Variants in CDYL observed in about 807,000 individuals in gnomAD.
CDYL encodes chromodomain Y-like protein.
A neutral mutation model predicts 47.3 loss-of-function variants in CDYL; 8 were observed. The observed-to-expected ratio is 0.17, with a 90% confidence interval of 0.10 to 0.31. The LOEUF (loss-of-function observed/expected upper bound fraction) is 0.31. CDYL is among the 10% of genes least tolerant of loss of function. The pLI, the probability that CDYL is intolerant of heterozygous loss-of-function variation, is 1.00. For synonymous variants in CDYL, 266 were observed against 265.0 expected (o/e 1.00, Z -0.04); for missense variants, 471 against 701.4 (o/e 0.67, Z 3.71).
intron 2 of CDYL, among the ~76,000 whole-genome samples, chr6:4,933,083 A>G (rs896494869): frequency 1.3e-5 from 2 of 152,160 alleles, no homozygotes; most frequent in East Asian, 1.9e-4. Context: ...TGAGGAAACC[A>G]GTTATTATTG....
intron 1 of CDYL, among the ~76,000 whole-genome samples, chr6:4,859,458 G>C (rs967251640): frequency 6.6e-5 from 10 of 152,178 alleles, no homozygotes; most frequent in African/African-American, 2.4e-4. Context: ...TCCCTGCCAC[G>C]GTCCCCTGGC....
chr6:4,753,490 C>T (rs1313223647), intron 3 of CDYL, among the ~76,000 whole-genome samples: 2 of 152,248 alleles, frequency 1.3e-5, no homozygotes, highest in South Asian at 2.1e-4. Flanking sequence ...TGTGAAGAAT[C>T]GCCTGAAGGT....
At chr6:4,923,731 C>T (rs1047940461) in intron 2 of CDYL, among the ~76,000 whole-genome samples, 5 of 152,026 alleles carry the variant, frequency 3.3e-5, no homozygotes, top group African/African-American at 1.2e-4. Flanking sequence ...CCCGTCTCTA[C>T]TAAAAAATAT....
chr6:4,810,889 A>G (rs1759509216), intron 1 of CDYL, among the ~76,000 whole-genome samples: 2 of 152,224 alleles, frequency 1.3e-5, no homozygotes, highest in African/African-American at 4.8e-5. Flanking sequence ...TAGTACCATC[A>G]TACTAGGGAT....
At position 4,894,939 on chromosome 6, in the gene CDYL, A is replaced by ATG. The variant is rs1356965752; in HGVS notation, c.691+2564_691+2565dup. 2.5e-3 allele frequency among the ~76,000 whole-genome samples: 43 copies of ATG among 17,006 alleles called. 1 individual carries two copies. In the East Asian group the frequency reaches 0.13, roughly 50 times the overall value. 11.2% of individuals were successfully genotyped at this position (17,006 alleles called of 152,430 possible). The stretch of plus-strand genomic sequence containing the variant: ...TATATACACATATGTATGTGTGTAT[A>ATG]TGTGTATGCATGTGTATATATACGT... On this transcript the variant is annotated intron_variant, in intron 2 of 6. Transcript: ENST00000397588.
chr6:4,947,799 G>T (rs866653856), intron 5 of CDYL, among the ~76,000 whole-genome samples: 21 of 152,274 alleles, frequency 1.4e-4, no homozygotes, highest in Admixed American at 2.0e-4. Flanking sequence ...GACTGACAGG[G>T]AGCTCTGGAA....
chr6:4,715,843 A>G, exon 2 of CDYL: 1 of 1,614,206 alleles, frequency 6.2e-7, no homozygotes, highest in Non-Finnish European at 8.5e-7. Flanking sequence ...TGGCAATACG[A>G]GGGCCCAACC....
intron 3 of CDYL, among the ~76,000 whole-genome samples, chr6:4,750,887 C>T (rs1397570382): frequency 6.8e-6 from 1 of 146,206 alleles, no homozygotes; most frequent in Admixed American, 6.9e-5. Context: ...GAGTCTTGCT[C>T]TGTCACCTAG....
chr6:4,937,654 T>C lies in CDYL; in HGVS notation c.1038T>C (p.Cys346=). The C allele has an allele frequency of 6.2e-7, 1 of 1,613,892 alleles. No individual in the cohort carries two copies. Among genetic ancestry groups the C allele is most frequent in the African/African-American group, 1.3e-5 (1 of 75,046 alleles). Residue 346 remains cysteine (C), a synonymous_variant, in exon 4 of 7, where the codon TGT becomes TGC. Transcript: ENST00000397588. ...TCAGCGCCGTTGGCAGCGTCTTCTG[T>C]TGTGGACTTGACTTTATTTATTTTA... ...VLLSAVGSVF[C]CGLDFIYFIR... is the part of the protein sequence containing the mutation.
Position 4,891,844 on chromosome 6 carries a change from C to T in CDYL, c.156C>T (p.Ile52=). Residue 52 remains isoleucine (I), a synonymous_variant, in exon 2 of 7, where the codon ATC becomes ATT. Coordinates refer to ENST00000397588, the MANE Select transcript of CDYL (RefSeq NM_004824.4). Reference sequence around the variant, plus strand: ...ACCTCGTGAACTGTGAGGAATACATCCACGACTTCAACAGACGCCACACGG... The same window carrying T: ...ACCTCGTGAACTGTGAGGAATACATTCACGACTTCAACAGACGCCACACGG... ...EQHLVNCEEY[I]HDFNRRHTEK... 3 of 1,614,134 alleles carry T rather than the reference C, an allele frequency of 1.9e-6. No homozygotes were observed. Among genetic ancestry groups the T allele is most frequent in the Non-Finnish European group, 2.5e-6 (3 of 1,180,028 alleles).
At chr6:4,764,865 A>G (rs1438445754) in intron 3 of CDYL, among the ~76,000 whole-genome samples, 7 of 105,304 alleles carry the variant, frequency 6.6e-5, no homozygotes, top group African/African-American at 2.2e-4. Flanking sequence ...ACACACACAT[A>G]TATATAATAG....
At chr6:4,908,657 T>C (rs895676637) in intron 2 of CDYL, among the ~76,000 whole-genome samples, 1 of 152,214 alleles carries the variant, frequency 6.6e-6, no homozygotes, top group Non-Finnish European at 1.5e-5. Context: ...ACGTCACCTC[T>C]GAGCTTACGT....
chr6:4,865,621 G>A (rs934031792), intron 1 of CDYL, among the ~76,000 whole-genome samples: 3 of 152,140 alleles, frequency 2.0e-5, no homozygotes, highest in East Asian at 1.9e-4. Flanking sequence ...TTTGTAATCC[G>A]AATAGGTAAA....
At chr6:4,901,397 C>T (rs1380383349) in intron 2 of CDYL, among the ~76,000 whole-genome samples, 1 of 152,158 alleles carries the variant, frequency 6.6e-6, no homozygotes, top group Non-Finnish European at 1.5e-5. Context: ...AATATTCCTC[C>T]AGTGGCATGC....
At chr6:4,706,273 T>C (rs566560577) in intron 1 of CDYL, 1 of 151,904 alleles carries the variant, frequency 6.6e-6, no homozygotes, top group Non-Finnish European at 1.5e-5. Context: ...AAGGAGGAAA[T>C]GGGAGGGGAG....
At chr6:4,715,795 G>A in exon 2 of CDYL, 4 of 1,614,164 alleles carry the variant, frequency 2.5e-6, no homozygotes, top group South Asian at 2.2e-5. Context: ...TTTCAGGCAA[G>A]CCACAGGTCA....
intron 1 of CDYL, among the ~76,000 whole-genome samples, chr6:4,800,648 C>T (rs1331237528): frequency 1.3e-5 from 2 of 152,046 alleles, no homozygotes; most frequent in Non-Finnish European, 2.9e-5. Context: ...TTTGAAAATG[C>T]CCTTATTTTA....
At position 4,953,898 on chromosome 6, in the gene CDYL, G is replaced by A; in HGVS notation, c.1477G>A (p.Val493Met). 1 of 1,610,644 alleles carries A rather than the reference G, an allele frequency of 6.2e-7. No homozygotes were observed. Among genetic ancestry groups the A allele is most frequent in the Non-Finnish European group, 8.5e-7 (1 of 1,178,380 alleles). Residue 493 changes from valine to methionine, a missense_variant and splice_region_variant, in exon 7 of 7, where the codon GTG (valine) becomes ATG (methionine). Coordinates refer to ENST00000397588, the MANE Select transcript of CDYL (RefSeq NM_004824.4). ...ACTGGCTGCTTGTTTTCCGGTGCAG[G>A]TGCTTGAGGAATCCAAAGCCCTCGT... ...IKELASCNPV[V>M]LEESKALVRC...
At chr6:4,731,429 G>A (rs1486472171) in intron 2 of CDYL, among the ~76,000 whole-genome samples, 1 of 152,120 alleles carries the variant, frequency 6.6e-6, no homozygotes, top group South Asian at 2.1e-4. Flanking sequence ...GAATTCCAGG[G>A]TCTATGTCAG....
Sources: allele counts gnomAD v4.1 joint callset (sites outside exome capture counted in the v4.1 genomes callset), GRCh38; gene constraint gnomAD v4.1.1; transcripts MANE v1.5; gene names NCBI Gene and HGNC (gene_info 2026-07-23, HGNC 2026-07-21).